The following THRB variants were observed in gnomAD, a reference collection of about 807,000 sequenced individuals.
THRB encodes the protein thyroid hormone receptor beta.
THRB carries 12 observed loss-of-function variants against 47.8 expected under a neutral mutation model. That is an observed-to-expected ratio of 0.25 (90% CI 0.16 to 0.41). The LOEUF (loss-of-function observed/expected upper bound fraction) is 0.41, where lower values mean the gene tolerates loss of function less well. Among genes scored for constraint, THRB ranks in the 10% least tolerant of loss-of-function variants. The pLI, the probability that THRB is intolerant of heterozygous loss-of-function variation, is 1.00. For synonymous variants in THRB, 218 were observed against 212.2 expected (o/e 1.03, Z -0.24); for missense variants, 348 against 589.2 (o/e 0.59, Z 4.24).
intron 3 of THRB, among the ~76,000 whole-genome samples, chr3:24,231,236 CTTTT>C (rs1247937229): frequency 6.6e-6 from 1 of 152,164 alleles, no homozygotes; most frequent in African/African-American, 2.4e-5. Flanking sequence ...GTTTTGTATG[CTTTT>C]TATTGTCTTG....
At chr3:24,301,868 G>C (rs2056967479) in intron 2 of THRB, among the ~76,000 whole-genome samples, 1 of 152,216 alleles carries the variant, frequency 6.6e-6, no homozygotes, top group South Asian at 2.1e-4. Flanking sequence ...TGTCACTATG[G>C]AAGAAGGGTT....
chr3:24,437,683 A>G (rs745418660), intron 1 of THRB, among the ~76,000 whole-genome samples: 1 of 152,112 alleles, frequency 6.6e-6, no homozygotes, highest in Non-Finnish European at 1.5e-5. Flanking sequence ...CTGGAAAAAA[A>G]GGTGGGTAAC....
At chr3:24,394,457 C>T (rs143157039) in intron 1 of THRB, among the ~76,000 whole-genome samples, 184 of 152,210 alleles carry the variant, frequency 1.2e-3, no homozygotes, top group African/African-American at 4.3e-3. Flanking sequence ...GGAACTGTTT[C>T]TAATCCTACC....
rs1488519284 is a variant in THRB at position 24,121,454 on chromosome 3, G to A, written c.*1430C>T. The A allele has an allele frequency of 6.6e-6, 1 of 152,650 alleles. No homozygotes were observed. The highest frequency in any genetic ancestry group is 1.5e-5 in the Non-Finnish European group (1 of 68,048). 9.5% of individuals were successfully genotyped at this position (152,650 alleles called of 1,614,324 possible). On this transcript the variant is annotated 3_prime_UTR_variant, in exon 11 of 11. Coordinates refer to ENST00000646209, the MANE Select transcript of THRB (RefSeq NM_001354712.2). The stretch of plus-strand genomic sequence containing the variant: ...GGAATAGTTTATATCTACTATGCCA[G>A]TGGAGAATGAGATACATTCAATTGC...
intron 1 of THRB, among the ~76,000 whole-genome samples, chr3:24,479,614 G>A (rs1042435604): frequency 2.0e-5 from 3 of 152,164 alleles, no homozygotes; most frequent in Non-Finnish European, 2.9e-5. Context: ...CTGGTTCAAG[G>A]GATCCCTCTT....
At chr3:24,411,651 T>C (rs889635344) in intron 1 of THRB, among the ~76,000 whole-genome samples, 5 of 151,756 alleles carry the variant, frequency 3.3e-5, no homozygotes, top group East Asian at 2.0e-4. Flanking sequence ...TAACTCTCAG[T>C]GGGGACAGTT....
In THRB at chr3:24,117,156, C is replaced by T. The variant is rs17014136; in HGVS notation, c.*5728G>A. 0.19 allele frequency: 28,348 copies of T among 152,142 alleles called. 3,019 individuals carry two copies. Among genetic ancestry groups the T allele is most frequent in the African/African-American group, 0.29 (11,932 of 41,486 alleles). 9.4% of individuals were successfully genotyped at this position (152,142 alleles called of 1,614,324 possible). A position where few individuals can be genotyped will look rare whatever the true frequency, so the allele number is the denominator to read the frequency against. Reference sequence around the variant, plus strand: ...CAGGAAGAATGCGATCAAACACTTTCTTTGGAAGGTGTTTATTTGGTTCAT... The same window carrying T: ...CAGGAAGAATGCGATCAAACACTTTTTTTGGAAGGTGTTTATTTGGTTCAT... On this transcript the variant is annotated 3_prime_UTR_variant, in exon 11 of 11. Transcript: ENST00000646209.
chr3:24,319,969 C>G (rs1188698166), intron 2 of THRB, among the ~76,000 whole-genome samples: 1 of 152,186 alleles, frequency 6.6e-6, no homozygotes. Flanking sequence ...GAGGTCACAC[C>G]TGTAGCATGA....
At chr3:24,324,658 A>G (rs969905333) in intron 2 of THRB, among the ~76,000 whole-genome samples, 3 of 152,240 alleles carry the variant, frequency 2.0e-5, no homozygotes, top group South Asian at 4.1e-4. Flanking sequence ...TTTCATTAAC[A>G]ACATATTAAA....
chr3:24,207,783 C>G, intron 4 of THRB, among the ~76,000 whole-genome samples: 1 of 152,174 alleles, frequency 6.6e-6, no homozygotes, highest in East Asian at 1.9e-4. Context: ...TGAAAACTGG[C>G]ACAAGACAGC....
chr3:24,398,047 C>T (rs1195530612), intron 1 of THRB, among the ~76,000 whole-genome samples: 1 of 152,106 alleles, frequency 6.6e-6, no homozygotes, highest in Non-Finnish European at 1.5e-5. Context: ...TATCTTCTAT[C>T]TTATACTATA....
intron 5 of THRB, among the ~76,000 whole-genome samples, chr3:24,157,255 C>T (rs2149175859): frequency 6.6e-6 from 1 of 152,140 alleles, no homozygotes; most frequent in Non-Finnish European, 1.5e-5. Flanking sequence ...TTTCTTTACA[C>T]TTTGCCCTCT....
chr3:24,456,221 G>C (rs2073160641), intron 1 of THRB, among the ~76,000 whole-genome samples: 1 of 151,928 alleles, frequency 6.6e-6, no homozygotes, highest in Admixed American at 6.6e-5. Context: ...TGTAATCCCA[G>C]CTACTAGGGA....
Position 24,314,245 on chromosome 3 carries a change from G to C in THRB, c.-188-16874C>G, listed in dbSNP as rs1442648488. Among the ~76,000 whole-genome samples, 3 of 152,174 alleles carry C rather than the reference G, an allele frequency of 2.0e-5. No individual in the cohort carries two copies. In the East Asian group the frequency reaches 5.8e-4, roughly 29 times the overall value. Reference sequence around the variant, plus strand: ...AAATCCAGGTCCTGGTGAATCTAAAGCTCAAGGTATTTTTTCTACACAATT... The same window carrying C: ...AAATCCAGGTCCTGGTGAATCTAAACCTCAAGGTATTTTTTCTACACAATT... On this transcript the variant is annotated intron_variant, in intron 2 of 10. Transcript: ENST00000646209.
intron 3 of THRB, among the ~76,000 whole-genome samples, chr3:24,285,024 T>C (rs368306987): frequency 5.5e-4 from 84 of 152,152 alleles, no homozygotes; most frequent in Non-Finnish European, 9.0e-4. Context: ...GTCAGTGTGG[T>C]GATTCCTCAG....
At chr3:24,303,119 G>A (rs1467580078) in intron 2 of THRB, among the ~76,000 whole-genome samples, 1 of 152,108 alleles carries the variant, frequency 6.6e-6, no homozygotes, top group African/African-American at 2.4e-5. Context: ...AGGGACCCCT[G>A]AAACAAAGAT....
At chr3:24,170,814 C>G (rs2040331484) in intron 5 of THRB, among the ~76,000 whole-genome samples, 1 of 151,250 alleles carries the variant, frequency 6.6e-6, no homozygotes, top group Admixed American at 6.6e-5. Context: ...CTTGCTCTCT[C>G]AGAAAAAAGA....
At chr3:24,331,891 A>G (rs1280636281) in intron 2 of THRB, among the ~76,000 whole-genome samples, 1 of 152,052 alleles carries the variant, frequency 6.6e-6, no homozygotes, top group Admixed American at 6.6e-5. Flanking sequence ...CTTTTTATCC[A>G]TCATACACTT....
At chr3:24,303,815 T>C (rs1375770609) in intron 2 of THRB, among the ~76,000 whole-genome samples, 1 of 152,234 alleles carries the variant, frequency 6.6e-6, no homozygotes, top group Non-Finnish European at 1.5e-5. Context: ...AAATGGCTGC[T>C]GAATTTTACA....
Sources: allele counts gnomAD v4.1 joint callset (sites outside exome capture counted in the v4.1 genomes callset), GRCh38; gene constraint gnomAD v4.1.1; transcripts MANE v1.5; gene names NCBI Gene and HGNC (gene_info 2026-07-23, HGNC 2026-07-21).